Variants in METTL22 observed in about 807,000 individuals in gnomAD.
The protein encoded by METTL22 is methyltransferase-like protein 22.
A neutral mutation model predicts 48.4 loss-of-function variants in METTL22; 51 were observed. The ratio of observed to expected loss-of-function variants is 1.05; its 90% CI spans 0.84 to 1.33. The LOEUF is 1.33. Among genes scored for constraint, METTL22 ranks in the 40% most tolerant of loss-of-function variants. The pLI, the probability that METTL22 is intolerant of heterozygous loss-of-function variation, is 0.00. For synonymous variants in METTL22, 255 were observed against 214.1 expected (o/e 1.19, Z -1.67); for missense variants, 678 against 526.9 (o/e 1.29, Z -2.81).
the METTL22 span, among the ~76,000 whole-genome samples, chr16:8,662,979 G>A: frequency 2.7e-3 from 385 of 145,260 alleles, 48 homozygotes; most frequent in African/African-American, 9.2e-3. Context: ...AGGCTGAAGC[G>A]GGTGGATCAC....
chr16:8,622,700 C>T (rs1159842064), intron 1 of METTL22, among the ~76,000 whole-genome samples: 1 of 151,904 alleles, frequency 6.6e-6, no homozygotes, highest in African/African-American at 2.4e-5. Flanking sequence ...GTCGTAAGCC[C>T]GAAAAGTGGT....
intron 3 of METTL22, among the ~76,000 whole-genome samples, chr16:8,630,831 G>A (rs1423590998): frequency 6.6e-6 from 1 of 152,186 alleles, no homozygotes; most frequent in Non-Finnish European, 1.5e-5. Context: ...GGAGGAGAGT[G>A]GAATGGTAGC....
the METTL22 span, among the ~76,000 whole-genome samples, chr16:8,660,807 AGGAGGAGGAGG>A: frequency 5.9e-3 from 20 of 3,380 alleles, no homozygotes; most frequent in Admixed American, 0.014. Context: ...GAGGAGGAGG[AGGAGGAGGAGG>A]AGGAGGAGGA....
intron 5 of METTL22, among the ~76,000 whole-genome samples, chr16:8,636,677 A>C (rs939582631): frequency 2.7e-5 from 4 of 149,342 alleles, no homozygotes; most frequent in African/African-American, 9.9e-5. Flanking sequence ...TGTCAGTTAC[A>C]CTGTGATGAA....
intron 6 of METTL22, among the ~76,000 whole-genome samples, 175 bp from the exon 7 acceptor site, chr16:8,640,956 G>GGCTA (rs2056593243): frequency 4.0e-5 from 3 of 75,584 alleles, no homozygotes; most frequent in Non-Finnish European, 6.4e-5. Flanking sequence ...GTGGGTGGAT[G>GGCTA]GCTGGCTGGC....
At chr16:8,630,411 C>G (rs907890569) in intron 3 of METTL22, among the ~76,000 whole-genome samples, 1 of 152,128 alleles carries the variant, frequency 6.6e-6, no homozygotes, top group Non-Finnish European at 1.5e-5. Context: ...TTGCTGGGGT[C>G]ACACAGCTAG....
At chr16:8,660,816 A>C in the METTL22 span, among the ~76,000 whole-genome samples, 2 of 2,006 alleles carry the variant, frequency 1.0e-3, no homozygotes, top group Non-Finnish European at 2.8e-3. Context: ...GAGGAGGAGG[A>C]GGAGGAGGAG....
At chr16:8,634,776 G>T (rs1034388070) in intron 3 of METTL22, among the ~76,000 whole-genome samples, 2 of 152,148 alleles carry the variant, frequency 1.3e-5, no homozygotes, top group Non-Finnish European at 1.5e-5. Flanking sequence ...ACCCTCCCTA[G>T]CCTTGGGCTG....
chr16:8,652,844 G>C (rs1274310656), downstream of METTL22, among the ~76,000 whole-genome samples: 1 of 152,084 alleles, frequency 6.6e-6, no homozygotes, highest in Non-Finnish European at 1.5e-5. Flanking sequence ...CTTGGCTGTC[G>C]GCTGCAGCAG....
chr16:8,657,010 C>T, the METTL22 span, among the ~76,000 whole-genome samples: 1 of 152,318 alleles, frequency 6.6e-6, no homozygotes, highest in South Asian at 2.1e-4. Context: ...GATTAATCCA[C>T]AGAGTCCTCT....
the METTL22 span, among the ~76,000 whole-genome samples, chr16:8,664,628 T>G: frequency 6.6e-6 from 1 of 152,040 alleles, no homozygotes; most frequent in Non-Finnish European, 1.5e-5. Flanking sequence ...AATTTATTTA[T>G]TTTTTGTATT....
rs1305373349 is a variant in METTL22 at position 8,635,040 on chromosome 16, G to C, written c.516G>C (p.Glu172Asp). ...QGSPHDIIRI[E>D]HTMATPLEDV... Reference sequence around the variant, plus strand: ...TCTCTTGGTTTCTGTCCCATCCAGAGCACACCATGGCCACGCCCCTGGAGG... The same window carrying C: ...TCTCTTGGTTTCTGTCCCATCCAGACCACACCATGGCCACGCCCCTGGAGG... Residue 172 changes from glutamate (E) to aspartate (D), a missense_variant and splice_region_variant, in exon 4 of 11, where the codon GAG (glutamate) becomes GAC (aspartate). Glu to Asp is a conservative substitution (Grantham distance 45). Transcript: ENST00000381920. 6.2e-7 allele frequency: 1 copy of C among 1,613,550 alleles called. No individual in the cohort carries two copies. The highest frequency in any genetic ancestry group is 1.3e-5 in the African/African-American group (1 of 75,030).
At chr16:8,637,493 A>G (rs965838751) in intron 5 of METTL22, among the ~76,000 whole-genome samples, 9 of 152,242 alleles carry the variant, frequency 5.9e-5, no homozygotes, top group Non-Finnish European at 1.5e-5. Flanking sequence ...AAGTCCTTTC[A>G]GATGCATCAG....
At chr16:8,640,051 G>C (rs1442205863) in intron 6 of METTL22, among the ~76,000 whole-genome samples, 2 of 152,178 alleles carry the variant, frequency 1.3e-5, no homozygotes, top group South Asian at 2.1e-4. Context: ...GCCCCCAACA[G>C]ACTCCAGGCA....
the METTL22 span, among the ~76,000 whole-genome samples, chr16:8,664,931 C>T: frequency 2.6e-5 from 4 of 152,108 alleles, no homozygotes; most frequent in Admixed American, 1.3e-4. Context: ...TTGTCTGGCA[C>T]GTCTCACTGT....
rs1310017165 is a variant in METTL22 at position 8,648,002 on chromosome 16, C to G, written c.*1859C>G. ...ATTCCCGCTGGAGCAGCAGCAGCATCTGTGGCATCACGTGGATGCTGGTTA... is the reference window on the plus strand; with the variant it reads ...ATTCCCGCTGGAGCAGCAGCAGCATGTGTGGCATCACGTGGATGCTGGTTA... On this transcript the variant is annotated 3_prime_UTR_variant, in exon 11 of 11. Coordinates refer to ENST00000381920, the MANE Select transcript of METTL22 (RefSeq NM_024109.4). 1 of 152,274 alleles carries G rather than the reference C, an allele frequency of 6.6e-6. No individual in the cohort carries two copies. The highest frequency in any genetic ancestry group is 2.4e-5 in the African/African-American group (1 of 41,454). The allele number at this position is 152,274 out of a possible 1,614,324, so 9.4% of individuals were successfully genotyped here.
chr16:8,652,811 A>G (rs890652332), downstream of METTL22, among the ~76,000 whole-genome samples: 22 of 152,170 alleles, frequency 1.4e-4, no homozygotes, highest in African/African-American at 5.3e-4. Context: ...TCTGTGCATC[A>G]GTGATCCACA....
intron 9 of METTL22, among the ~76,000 whole-genome samples, chr16:8,643,456 C>T (rs2056686004): frequency 6.6e-6 from 1 of 152,180 alleles, no homozygotes; most frequent in Non-Finnish European, 1.5e-5. Context: ...TTGAGACACA[C>T]ACTGACATTT....
At chr16:8,631,955 GCCCAGGGCTGACAT>G (rs2056277699) in intron 3 of METTL22, 1 of 152,258 alleles carries the variant, frequency 6.6e-6, no homozygotes, top group African/African-American at 2.4e-5. Context: ...ACCGCGCCCG[GCCCAGGGCTGACAT>G]ACTGGGCATT....
Sources: gnomAD v4.1 joint callset for allele counts (sites outside exome capture counted in the v4.1 genomes callset) on GRCh38, gnomAD v4.1.1 for gene constraint, MANE v1.5 for transcripts, NCBI Gene and HGNC (gene_info 2026-07-23, HGNC 2026-07-21) for gene names.